The following FAM78B variants were observed in gnomAD, a reference collection of about 807,000 sequenced individuals.
FAM78B encodes family with sequence similarity 78 member B, also known as protein FAM78B.
A neutral mutation model predicts 20.0 loss-of-function variants in FAM78B; 10 were observed. The ratio of observed to expected loss-of-function variants is 0.50; its 90% CI spans 0.31 to 0.85. The LOEUF (loss-of-function observed/expected upper bound fraction) is 0.85, where lower values mean the gene tolerates loss of function less well. Among genes scored for constraint, FAM78B ranks in the 40% least tolerant of loss-of-function variants. The pLI, the probability that FAM78B is intolerant of heterozygous loss-of-function variation, is 0.05. For missense variants in FAM78B, 283 were observed against 345.0 expected, an observed-to-expected ratio of 0.82 and a Z score of 1.42; for synonymous variants, 135 against 132.8, an observed-to-expected ratio of 1.02 and a Z score of -0.12.
intron 1 of FAM78B, among the ~76,000 whole-genome samples, chr1:166,108,393 A>G (rs917519443): frequency 2.0e-5 from 3 of 152,144 alleles, no homozygotes; most frequent in Non-Finnish European, 2.9e-5. Context: ...CCCCTTTTAC[A>G]ATAGCTACAA....
chr1:166,129,631 C>A (rs879701325), intron 1 of FAM78B, among the ~76,000 whole-genome samples: 2 of 152,186 alleles, frequency 1.3e-5, no homozygotes, highest in Non-Finnish European at 1.5e-5. Context: ...TTCTCCTGTT[C>A]TATTCTGGGA....
chr1:166,114,622 T>G (rs1422164582), intron 1 of FAM78B, among the ~76,000 whole-genome samples: 2 of 152,174 alleles, frequency 1.3e-5, no homozygotes, highest in African/African-American at 4.8e-5. Context: ...TTGAAAAGAC[T>G]TGGTCCATCC....
intron 1 of FAM78B, among the ~76,000 whole-genome samples, chr1:166,098,871 A>G (rs1653388319): frequency 6.6e-6 from 1 of 152,222 alleles, no homozygotes; most frequent in Non-Finnish European, 1.5e-5. Context: ...AGACCTAGAC[A>G]TCCAAATACA....
intron 1 of FAM78B, among the ~76,000 whole-genome samples, chr1:166,102,234 G>C (rs889102522): frequency 1.3e-5 from 2 of 152,164 alleles, no homozygotes; most frequent in African/African-American, 4.8e-5. Flanking sequence ...GGAACAACCG[G>C]TAACAGCCAC....
chr1:166,127,559 T>C (rs1654689703), intron 1 of FAM78B, among the ~76,000 whole-genome samples: 1 of 152,218 alleles, frequency 6.6e-6, no homozygotes, highest in African/African-American at 2.4e-5. Context: ...ACAGCTCTGT[T>C]TAAAGTGTTA....
downstream of FAM78B, among the ~76,000 whole-genome samples, chr1:166,066,158 C>T (rs2101704891): frequency 6.6e-6 from 1 of 152,336 alleles, no homozygotes; most frequent in South Asian, 2.1e-4. Context: ...TGCATGCTTT[C>T]CTTCCCCTTT....
intron 1 of FAM78B, among the ~76,000 whole-genome samples, chr1:166,117,695 C>T (rs530955889): frequency 3.7e-4 from 57 of 152,344 alleles, no homozygotes; most frequent in African/African-American, 1.3e-3. Context: ...GGAGGTCTCA[C>T]TGGTCTGAAA....
At chr1:166,118,483 AG>A (rs1300344128) in intron 1 of FAM78B, among the ~76,000 whole-genome samples, 4 of 152,214 alleles carry the variant, frequency 2.6e-5, no homozygotes, top group African/African-American at 9.6e-5. Flanking sequence ...CTTTATTGCT[AG>A]AAATAACCTT....
rs1656411182 is a variant in FAM78B, at chr1:166,166,661, G to T, written c.-413C>A. 1 of 150,484 alleles carries T rather than the reference G, an allele frequency of 6.6e-6. No individual in the cohort carries two copies. Among genetic ancestry groups the T allele is most frequent in the South Asian group, 2.0e-4 (1 of 5,018 alleles). The allele number at this position is 150,484 out of a possible 1,614,324, so 9.3% of individuals were successfully genotyped here. A position where few individuals can be genotyped will look rare whatever the true frequency, so the allele number is the denominator to read the frequency against. On this transcript the variant is annotated 5_prime_UTR_variant, in exon 1 of 2. Coordinates refer to ENST00000354422, the MANE Select transcript of FAM78B (RefSeq NM_001017961.5). Reference sequence around the variant, plus strand: ...GGCGGCGGCATGGAGCCGGGGGAGGGCGGCGGTGGCAGCGCCCGGTCTGTC... The same window carrying T: ...GGCGGCGGCATGGAGCCGGGGGAGGTCGGCGGTGGCAGCGCCCGGTCTGTC...
In FAM78B at chr1:166,058,592, GT is replaced by G. The variant is rs1651448810; in HGVS notation, c.*2480del. 2.6e-5 allele frequency: 4 copies of G among 151,764 alleles called. No individual in the cohort carries two copies. The South Asian group carries it at 8.3e-4, about 32-fold the overall frequency. 9.4% of individuals were successfully genotyped at this position (151,764 alleles called of 1,614,324 possible). A position where few individuals can be genotyped will look rare whatever the true frequency, so the allele number is the denominator to read the frequency against. Reference sequence around the variant, plus strand: ...ATTCTATGTATATACCTGATATGGAGTTCACTGGGGCCCATCATGAACATAA... The same window carrying G: ...ATTCTATGTATATACCTGATATGGAGTCACTGGGGCCCATCATGAACATAA... On this transcript the variant is annotated 3_prime_UTR_variant and NMD_transcript_variant, in exon 3 of 3. Transcript: ENST00000435676.
chr1:166,103,623 G>A (rs543274997), intron 1 of FAM78B, among the ~76,000 whole-genome samples: 4 of 152,222 alleles, frequency 2.6e-5, no homozygotes, highest in African/African-American at 4.8e-5. Context: ...TAAATTCCTC[G>A]ACACATACAC....
At chr1:166,110,507 T>C (rs1654008890) in intron 1 of FAM78B, among the ~76,000 whole-genome samples, 1 of 152,216 alleles carries the variant, frequency 6.6e-6, no homozygotes, top group African/African-American at 2.4e-5. Flanking sequence ...GCAATCAATG[T>C]CTTTTTCTCC....
intron 1 of FAM78B, among the ~76,000 whole-genome samples, chr1:166,090,583 A>T (rs1029151376): frequency 2.6e-5 from 4 of 152,248 alleles, no homozygotes; most frequent in African/African-American, 9.6e-5. Context: ...CAAAGTCAGT[A>T]ATAAAAGCCA....
chr1:166,070,080 C>T lies in FAM78B; in HGVS notation c.*161G>A, dbSNP rs1309476705. 7.6e-7 allele frequency: 1 copy of T among 1,311,494 alleles called. No homozygotes were observed. The allele number at this position is 1,311,494 out of a possible 1,614,324, so 81.2% of individuals were successfully genotyped here. On this transcript the variant is annotated 3_prime_UTR_variant, in exon 2 of 2. Coordinates refer to ENST00000354422, the MANE Select transcript of FAM78B (RefSeq NM_001017961.5). ...ATTTTTCCTAAGGATTATGGTTCTA[C>T]CACCCAAGGAGCAGCCCTACTCTTC...
chr1:166,138,862 A>ATT (rs1159753193), intron 1 of FAM78B, among the ~76,000 whole-genome samples: 1 of 152,246 alleles, frequency 6.6e-6, no homozygotes, highest in Non-Finnish European at 1.5e-5. Context: ...AGGTACTCAA[A>ATT]TATTTGTTGA....
At chr1:166,122,358 A>G (rs1654495910) in intron 1 of FAM78B, among the ~76,000 whole-genome samples, 1 of 152,200 alleles carries the variant, frequency 6.6e-6, no homozygotes, top group African/African-American at 2.4e-5. Flanking sequence ...AATTGGGAGA[A>G]AGTACAAGCC....
At chr1:166,100,121 C>A (rs560985499) in intron 1 of FAM78B, among the ~76,000 whole-genome samples, 2 of 152,282 alleles carry the variant, frequency 1.3e-5, no homozygotes, top group Non-Finnish European at 2.9e-5. Flanking sequence ...TCAAAACCAT[C>A]CAAATACATG....
chr1:166,151,853 C>T (rs1655685245), intron 1 of FAM78B, among the ~76,000 whole-genome samples: 1 of 152,176 alleles, frequency 6.6e-6, no homozygotes, highest in Non-Finnish European at 1.5e-5. Flanking sequence ...GCTACCTCTC[C>T]CCTACTGTTC....
intron 1 of FAM78B, among the ~76,000 whole-genome samples, chr1:166,075,494 C>T (rs12406732): frequency 0.15 from 23,496 of 152,144 alleles, 2,016 homozygotes; most frequent in East Asian, 0.26. Context: ...ATTTTACACC[C>T]ATCCCTGAAC....
Sources: gnomAD v4.1 joint callset for allele counts (sites outside exome capture counted in the v4.1 genomes callset) on GRCh38, gnomAD v4.1.1 for gene constraint, MANE v1.5 for transcripts, NCBI Gene and HGNC (gene_info 2026-07-23, HGNC 2026-07-21) for gene names.